The following SCAPER variants were observed in gnomAD, a reference collection of about 807,000 sequenced individuals.
SCAPER encodes S-phase cyclin A associated protein in the ER.
In SCAPER, 98 loss-of-function variants were observed where a neutral mutation model predicts 182.2. That is an observed-to-expected ratio of 0.54 (90% CI 0.46 to 0.64). The LOEUF (loss-of-function observed/expected upper bound fraction) is 0.64, where lower values mean the gene tolerates loss of function less well. Ranked by LOEUF, SCAPER falls within the 30% of genes least tolerant of loss-of-function variation. The probability of loss-of-function intolerance (pLI) is 0.00; values close to 1 mark genes in which losing one functional copy is unlikely to be tolerated. For synonymous variants in SCAPER, 605 were observed against 564.6 expected (o/e 1.07, Z -1.01); for missense variants, 1,432 against 1,690.0 (o/e 0.85, Z 2.68).
intron 24 of SCAPER, among the ~76,000 whole-genome samples, chr15:76,486,442 G>A (rs1159821240): frequency 6.6e-6 from 1 of 151,862 alleles, no homozygotes; most frequent in African/African-American, 2.4e-5. Flanking sequence ...CAGAATGGGA[G>A]AAAATTTTTG....
intron 27 of SCAPER, among the ~76,000 whole-genome samples, chr15:76,391,365 T>C (rs1316156657): frequency 1.3e-5 from 2 of 152,218 alleles, no homozygotes; most frequent in Non-Finnish European, 2.9e-5. Context: ...TGGTTGATTG[T>C]TTTTTCCCCA....
intron 22 of SCAPER, among the ~76,000 whole-genome samples, chr15:76,589,632 G>A (rs183000059): frequency 1.3e-5 from 2 of 152,134 alleles, no homozygotes; most frequent in Non-Finnish European, 2.9e-5. Context: ...AAAGCAAGGA[G>A]GGCTTTCACA....
chr15:76,710,430 G>T (rs2059500164), intron 17 of SCAPER, among the ~76,000 whole-genome samples: 1 of 151,960 alleles, frequency 6.6e-6, no homozygotes, highest in Admixed American at 6.6e-5. Flanking sequence ...GTTTAACAAG[G>T]TCATTAAAAA....
intron 5 of SCAPER, among the ~76,000 whole-genome samples, chr15:76,832,083 T>C (rs1410846831): frequency 1.3e-5 from 2 of 152,154 alleles, no homozygotes; most frequent in African/African-American, 2.4e-5. Flanking sequence ...AACCAGAGTA[T>C]CTTCTTATCT....
intron 5 of SCAPER, among the ~76,000 whole-genome samples, chr15:76,806,945 C>T (rs1254903346): frequency 2.0e-5 from 3 of 152,072 alleles, no homozygotes; most frequent in African/African-American, 4.8e-5. Flanking sequence ...TTTATTAGCT[C>T]TAATAATTGG....
At chr15:76,478,976 A>G (rs901652655) in intron 24 of SCAPER, among the ~76,000 whole-genome samples, 2 of 152,052 alleles carry the variant, frequency 1.3e-5, no homozygotes, top group African/African-American at 4.8e-5. Flanking sequence ...ACTTGTTTCA[A>G]ATCTTTTGTG....
At chr15:76,642,233 CTTT>C (rs1237858018) in intron 21 of SCAPER, among the ~76,000 whole-genome samples, 2 of 152,132 alleles carry the variant, frequency 1.3e-5, no homozygotes, top group Non-Finnish European at 2.9e-5. Context: ...TCCACGTTTT[CTTT>C]ATCTTCTAAT....
chr15:76,471,902 C>T (rs928593718), intron 24 of SCAPER, among the ~76,000 whole-genome samples: 6 of 152,054 alleles, frequency 3.9e-5, no homozygotes, highest in South Asian at 2.1e-4. Flanking sequence ...AACTGGCCTG[C>T]GTGGGCCCAG....
intron 15 of SCAPER, among the ~76,000 whole-genome samples, chr15:76,738,591 C>A (rs1003877665): frequency 2.0e-5 from 3 of 149,936 alleles, no homozygotes; most frequent in South Asian, 4.2e-4. Flanking sequence ...CGATTAATAA[C>A]CAATTAGCCT....
At chr15:76,366,934 C>A (rs975411337) in intron 29 of SCAPER, among the ~76,000 whole-genome samples, 9 of 152,222 alleles carry the variant, frequency 5.9e-5, no homozygotes, top group Admixed American at 5.9e-4. Context: ...GAGTGGCAGC[C>A]CTGAGACTCT....
At chr15:76,672,463 C>T (rs189583345) in intron 20 of SCAPER, among the ~76,000 whole-genome samples, 2 of 151,906 alleles carry the variant, frequency 1.3e-5, no homozygotes, top group South Asian at 2.1e-4. Context: ...GAAACACACA[C>T]AAAAAATGAT....
At chr15:76,825,525 T>C (rs2067936611) in intron 5 of SCAPER, among the ~76,000 whole-genome samples, 1 of 144,578 alleles carries the variant, frequency 6.9e-6, no homozygotes, top group South Asian at 2.5e-4. Context: ...TCTCACTTTC[T>C]AAGTTATTAG....
rs112208833 is a variant in SCAPER, at chr15:76,843,093, A to C, written c.196-1162T>G. Among the ~76,000 whole-genome samples, 1,229 of 152,340 alleles carry C rather than the reference A, an allele frequency of 8.1e-3. 11 individuals are homozygous for C. The highest frequency in any genetic ancestry group is 0.028 in the African/African-American group (1,168 of 41,576). On this transcript the variant is annotated intron_variant, in intron 4 of 31. Coordinates refer to ENST00000563290, the MANE Select transcript of SCAPER (RefSeq NM_020843.4). ...TACCATTCATCCCTACCTGTTTATG[A>C]ATTTATAACACATCCATAAAATGTG...
intron 17 of SCAPER, among the ~76,000 whole-genome samples, chr15:76,715,585 C>T (rs1181198600): frequency 2.0e-5 from 3 of 152,074 alleles, no homozygotes; most frequent in African/African-American, 7.2e-5. Context: ...CTTGTTGCCA[C>T]TGGACCCAGC....
intron 29 of SCAPER, among the ~76,000 whole-genome samples, chr15:76,359,088 G>T (rs2041210003): frequency 1.3e-5 from 2 of 152,226 alleles, no homozygotes; most frequent in South Asian, 4.1e-4. Context: ...ACAGAACAAT[G>T]TTAGTTATGA....
chr15:76,509,616 A>G (rs1209869320), intron 23 of SCAPER, among the ~76,000 whole-genome samples: 1 of 152,180 alleles, frequency 6.6e-6, no homozygotes, highest in Non-Finnish European at 1.5e-5. Flanking sequence ...AGAAGGCCAC[A>G]TTTTAAAATA....
intron 23 of SCAPER, among the ~76,000 whole-genome samples, chr15:76,552,752 C>A (rs535217559): frequency 2.6e-5 from 4 of 152,156 alleles, no homozygotes; most frequent in Non-Finnish European, 4.4e-5. Context: ...GCCCCCACCC[C>A]CAGCCAGGAA....
At chr15:76,588,899 A>G (rs1191578679) in intron 22 of SCAPER, among the ~76,000 whole-genome samples, 2 of 152,072 alleles carry the variant, frequency 1.3e-5, no homozygotes, top group African/African-American at 4.8e-5. Context: ...CTGGCACTCA[A>G]GGCTGCTGTT....
At chr15:76,656,050 T>A (rs986816378) in intron 21 of SCAPER, among the ~76,000 whole-genome samples, 2 of 152,190 alleles carry the variant, frequency 1.3e-5, no homozygotes, top group African/African-American at 4.8e-5. Context: ...CAGATCTGCA[T>A]GTATCAATAT....
Sources: allele counts gnomAD v4.1 joint callset (sites outside exome capture counted in the v4.1 genomes callset), GRCh38; gene constraint gnomAD v4.1.1; transcripts MANE v1.5; gene names NCBI Gene and HGNC (gene_info 2026-07-23, HGNC 2026-07-21).